Variants in APBB2 observed in about 807,000 individuals in gnomAD.
APBB2 encodes the protein amyloid beta precursor protein binding family B member 2.
APBB2 carries 38 observed loss-of-function variants against 82.5 expected under a neutral mutation model. The ratio of observed to expected loss-of-function variants is 0.46; its 90% CI spans 0.36 to 0.60. The LOEUF (loss-of-function observed/expected upper bound fraction) is 0.60, where lower values mean the gene tolerates loss of function less well. Among genes scored for constraint, APBB2 ranks in the 20% least tolerant of loss-of-function variants. The pLI, the probability that APBB2 is intolerant of heterozygous loss-of-function variation, is 0.00. For missense variants in APBB2, 772 were observed against 972.3 expected (o/e 0.79, Z 2.74); for synonymous variants, 341 against 368.2 (o/e 0.93, Z 0.85).
intron 1 of APBB2, among the ~76,000 whole-genome samples, chr4:41,167,913 G>T (rs998963717): frequency 1.6e-4 from 25 of 152,338 alleles, no homozygotes; most frequent in African/African-American, 5.8e-4. Context: ...AGCCAACATG[G>T]TGCTTTTCCA....
intron 1 of APBB2, among the ~76,000 whole-genome samples, chr4:41,170,031 G>A (rs886984062): frequency 4.6e-5 from 7 of 152,108 alleles, no homozygotes; most frequent in Non-Finnish European, 1.0e-4. Flanking sequence ...GGAGTGCATA[G>A]ACCATAGCAG....
intron 1 of APBB2, among the ~76,000 whole-genome samples, chr4:41,147,785 T>C (rs1274664300): frequency 6.6e-6 from 1 of 152,120 alleles, no homozygotes; most frequent in East Asian, 1.9e-4. Context: ...GTCTCTCCTT[T>C]TCAAGCCTGA....
chr4:41,184,984 C>T (rs921780707), intron 1 of APBB2, among the ~76,000 whole-genome samples: 4 of 152,224 alleles, frequency 2.6e-5, no homozygotes, highest in Admixed American at 6.5e-5. Flanking sequence ...TCAGCGTCCG[C>T]CTGTGGAGAA....
At chr4:41,199,557 G>A (rs1425896700) in intron 1 of APBB2, among the ~76,000 whole-genome samples, 1 of 152,114 alleles carries the variant, frequency 6.6e-6, no homozygotes, top group African/African-American at 2.4e-5. Flanking sequence ...TAAATAATTT[G>A]ATAAGAGCAA....
At chr4:41,057,700 T>G (rs935022752) in intron 4 of APBB2, among the ~76,000 whole-genome samples, 2 of 152,218 alleles carry the variant, frequency 1.3e-5, no homozygotes, top group African/African-American at 4.8e-5. Flanking sequence ...ATTTCAGGTT[T>G]GCATAAATGA....
intron 6 of APBB2, among the ~76,000 whole-genome samples, chr4:40,982,387 G>GAAGGAAGGGAAAGGAAAGGAAAGGA (rs1560448982): frequency 3.6e-4 from 4 of 11,008 alleles, no homozygotes; most frequent in African/African-American, 1.0e-3. Context: ...AGGAAGGAAG[G>GAAGGAAGGGAAAGGAAAGGAAAGGA]AAGGAAAGGA....
chr4:41,157,410 T>C (rs567428399), intron 1 of APBB2, among the ~76,000 whole-genome samples: 5 of 152,304 alleles, frequency 3.3e-5, no homozygotes, highest in African/African-American at 9.6e-5. Flanking sequence ...TTGTTTACCA[T>C]TGAACTAGAG....
intron 12 of APBB2, among the ~76,000 whole-genome samples, chr4:40,859,838 G>A (rs983286302): frequency 5.3e-5 from 8 of 152,036 alleles, no homozygotes; most frequent in African/African-American, 1.9e-4. Context: ...AACACGCCCA[G>A]CTACTTCCCA....
intron 5 of APBB2, among the ~76,000 whole-genome samples, chr4:41,025,915 C>G (rs1713903611): frequency 7.6e-6 from 1 of 131,678 alleles, no homozygotes; most frequent in Non-Finnish European, 1.5e-5. Context: ...TCACTCCAGC[C>G]TGGGCGAAAG....
intron 10 of APBB2, among the ~76,000 whole-genome samples, chr4:40,930,452 C>T (rs779158307): frequency 0.21 from 14,232 of 68,092 alleles, 830 homozygotes; most frequent in Non-Finnish European, 0.25. Context: ...TGTGTGTGCG[C>T]GCGCGCGCGC....
chr4:40,842,359 C>T (rs746492633), intron 12 of APBB2: 4 of 455,502 alleles, frequency 8.8e-6, no homozygotes, highest in East Asian at 7.0e-5. Context: ...AAGTGAAAAT[C>T]GGCCGGTTAC....
intron 1 of APBB2, among the ~76,000 whole-genome samples, chr4:41,201,694 C>T (rs542402262): frequency 6.6e-6 from 1 of 152,148 alleles, no homozygotes; most frequent in East Asian, 1.9e-4. Context: ...CCTATGCTCT[C>T]TTTAGAACAA....
At chr4:41,096,274 T>C (rs557648924) in intron 3 of APBB2, among the ~76,000 whole-genome samples, 17 of 152,316 alleles carry the variant, frequency 1.1e-4, no homozygotes, top group African/African-American at 3.8e-4. Context: ...TGCATCATAA[T>C]TGGAAGGCTG....
At chr4:41,138,262 G>A (rs1270928674) in intron 2 of APBB2, 1 of 152,104 alleles carries the variant, frequency 6.6e-6, no homozygotes, top group African/African-American at 2.4e-5. Flanking sequence ...TCAAAATCAT[G>A]AGCTTTGAAA....
chr4:40,856,906 TG>T, intron 12 of APBB2: 1 of 972,458 alleles, frequency 1.0e-6, no homozygotes, highest in Non-Finnish European at 1.2e-6. Flanking sequence ...GCGCAGCCTT[TG>T]TCCCGCAGGT....
chr4:40,960,815 A>G (rs1014054020), intron 6 of APBB2, among the ~76,000 whole-genome samples: 4 of 152,166 alleles, frequency 2.6e-5, no homozygotes, highest in Non-Finnish European at 4.4e-5. Flanking sequence ...CTACAGCCAT[A>G]TAAACTTTTA....
chr4:41,019,267 G>C (rs1252669853), intron 5 of APBB2, among the ~76,000 whole-genome samples: 1 of 152,160 alleles, frequency 6.6e-6, no homozygotes, highest in African/African-American at 2.4e-5. Context: ...AATAAAGAGA[G>C]TAAAAGTGGA....
At chr4:41,017,766 T>C (rs1037812652) in intron 5 of APBB2, among the ~76,000 whole-genome samples, 2 of 152,184 alleles carry the variant, frequency 1.3e-5, no homozygotes, top group African/African-American at 2.4e-5. Context: ...AATGGTCTTG[T>C]TGCAGAGACA....
chr4:41,054,890 C>T lies in APBB2; in HGVS notation c.-51+10686G>A, dbSNP rs528422380. ...GCTGTCTGCATGCTGCTCTCGCCAC[C>T]TCCCTGCCCCTCCCGATCAAACAGG... On this transcript the variant is annotated intron_variant, in intron 4 of 17. Transcript: ENST00000508593. Among the ~76,000 whole-genome samples, 66 of 152,234 alleles carry T rather than the reference C, an allele frequency of 4.3e-4. No individual in the cohort carries two copies. In the South Asian group the frequency reaches 0.014, roughly 32 times the overall value.
Sources: allele counts gnomAD v4.1 joint callset (sites outside exome capture counted in the v4.1 genomes callset), GRCh38; gene constraint gnomAD v4.1.1; transcripts MANE v1.5; gene names NCBI Gene and HGNC (gene_info 2026-07-23, HGNC 2026-07-21).